TGFB2: variants seen among roughly 807,000 people sequenced by gnomAD.
TGFB2 encodes the protein transforming growth factor beta 2, also known as transforming growth factor beta-2 proprotein.
A neutral mutation model predicts 42.7 loss-of-function variants in TGFB2; 13 were observed. The observed-to-expected ratio is 0.30, with a 90% CI of 0.20 to 0.48. The LOEUF (loss-of-function observed/expected upper bound fraction) is 0.48. TGFB2 is among the 20% of genes least tolerant of loss of function. TGFB2 has a pLI of 0.99. For synonymous variants in TGFB2, 193 were observed against 193.6 expected (o/e 1.00, Z 0.03); for missense variants, 390 against 517.5 (o/e 0.75, Z 2.39).
chr1:218,385,122 C>A (rs778894813), intron 1 of TGFB2, among the ~76,000 whole-genome samples: 1 of 152,090 alleles, frequency 6.6e-6, no homozygotes, highest in African/African-American at 2.4e-5. Context: ...CCCTCTCTTA[C>A]TGGTACTTTC....
intron 1 of TGFB2, among the ~76,000 whole-genome samples, chr1:218,349,602 T>G (rs1425885071): frequency 6.6e-6 from 1 of 152,220 alleles, no homozygotes; most frequent in Non-Finnish European, 1.5e-5. Context: ...GGGAGTGACT[T>G]CAGCTCAAGT....
chr1:218,406,200 C>T (rs943381978), intron 2 of TGFB2, among the ~76,000 whole-genome samples: 2 of 151,340 alleles, frequency 1.3e-5, no homozygotes, highest in African/African-American at 4.9e-5. Flanking sequence ...AATACACACA[C>T]ACACACACAC....
At chr1:218,411,034 T>A (rs2102600945) in intron 2 of TGFB2, among the ~76,000 whole-genome samples, 1 of 116,592 alleles carries the variant, frequency 8.6e-6, no homozygotes, top group Non-Finnish European at 2.1e-5. Flanking sequence ...CCCTAAACAA[T>A]CCTTTGGGAC....
rs1232639270 is a variant in TGFB2, at chr1:218,437,591, T to A, written c.1086+95T>A. 4.5e-6 allele frequency: 6 copies of A among 1,339,288 alleles called. No individual in the cohort carries two copies. The East Asian group carries it at 1.5e-4, about 34-fold the overall frequency. 83.0% of individuals were successfully genotyped at this position (1,339,288 alleles called of 1,614,324 possible). A position where few individuals can be genotyped will look rare whatever the true frequency, so the allele number is the denominator to read the frequency against. ...ATGAGTTGTAATTAACCTCGTGCTG[T>A]CTTACCATCACACATGTATGGGTAC... On this transcript the variant is annotated intron_variant, in intron 6 of 6. Transcript: ENST00000366930.
chr1:218,432,954 G>A (rs1000414365), intron 2 of TGFB2, among the ~76,000 whole-genome samples: 1 of 152,174 alleles, frequency 6.6e-6, no homozygotes, highest in African/African-American at 2.4e-5. Flanking sequence ...TTTCAAAATA[G>A]AATTTTTTTA....
intron 1 of TGFB2, among the ~76,000 whole-genome samples, chr1:218,347,924 G>T (rs1656743238): frequency 6.7e-6 from 1 of 148,574 alleles, no homozygotes. Flanking sequence ...CAGAGTAGAC[G>T]ACAGCCGTAT....
chr1:218,402,713 A>T (rs902957697), intron 1 of TGFB2, among the ~76,000 whole-genome samples: 1 of 152,200 alleles, frequency 6.6e-6, no homozygotes, highest in Admixed American at 6.5e-5. Context: ...AGGCGGGGAA[A>T]ATTGAATGAG....
intron 2 of TGFB2, among the ~76,000 whole-genome samples, chr1:218,428,616 T>A (rs1443723496): frequency 3.9e-5 from 6 of 152,230 alleles, no homozygotes; most frequent in Admixed American, 3.9e-4. Context: ...TTCTTGTTTT[T>A]GTCAGGTTTG....
chr1:218,415,697 AAG>A (rs555557882), intron 2 of TGFB2, among the ~76,000 whole-genome samples: 5,928 of 132,606 alleles, frequency 0.045, 901 homozygotes, highest in East Asian at 0.085. Context: ...TCTGTCTCAA[AAG>A]AAAAAAAAAA....
intron 6 of TGFB2, among the ~76,000 whole-genome samples, chr1:218,439,123 A>G (rs865888654): frequency 1.3e-5 from 2 of 151,752 alleles, no homozygotes; most frequent in South Asian, 2.1e-4. Flanking sequence ...AAAAAAAAAA[A>G]AAAAGAAATT....
chr1:218,426,359 T>A (rs899240923), intron 2 of TGFB2, among the ~76,000 whole-genome samples: 1 of 152,250 alleles, frequency 6.6e-6, no homozygotes, highest in African/African-American at 2.4e-5. Context: ...TAATTTTGCA[T>A]CTAGACTTCT....
intron 2 of TGFB2, among the ~76,000 whole-genome samples, chr1:218,417,146 G>T (rs558818290): frequency 1.3e-5 from 2 of 152,316 alleles, no homozygotes; most frequent in African/African-American, 4.8e-5. Flanking sequence ...CAGTTTGGAG[G>T]GCTCAGAAGA....
At chr1:218,420,248 A>G (rs890716539) in intron 2 of TGFB2, among the ~76,000 whole-genome samples, 2 of 152,252 alleles carry the variant, frequency 1.3e-5, no homozygotes, top group African/African-American at 2.4e-5. Context: ...CAAAGACTGT[A>G]GGAATTCAGC....
In TGFB2 at chr1:218,437,419, G is replaced by A. The variant is rs1476361240; in HGVS notation, c.1009G>A (p.Glu337Lys). Residue 337 changes from glutamate (E) to lysine (K), a missense_variant, in exon 6 of 7, where the codon GAA becomes AAA. By Grantham distance (56) the Glu-to-Lys change is moderately conservative (BLOSUM62 1). Transcript: ENST00000366930. ...KRDLGWKWIH[E>K]PKGYNANFCA... The stretch of plus-strand genomic sequence containing the variant: ...GGATCTAGGGTGGAAATGGATACAC[G>A]AACCCAAAGGGTACAATGCCAACTT... The A allele has an allele frequency of 4.3e-6, 7 of 1,612,336 alleles. No individual in the cohort carries two copies. Among genetic ancestry groups the A allele is most frequent in the East Asian group, 2.2e-5 (1 of 44,800 alleles).
chr1:218,376,458 G>A (rs1319930995), intron 1 of TGFB2, among the ~76,000 whole-genome samples: 1 of 152,164 alleles, frequency 6.6e-6, no homozygotes, highest in East Asian at 1.9e-4. Context: ...TTTGGTGCCT[G>A]AATTATGCAG....
At chr1:218,440,257 A>G (rs535233797) in intron 6 of TGFB2, among the ~76,000 whole-genome samples, 1 of 152,276 alleles carries the variant, frequency 6.6e-6, no homozygotes, top group African/African-American at 2.4e-5. Context: ...AAGAAAGTGA[A>G]TAATTATTTC....
intron 1 of TGFB2, among the ~76,000 whole-genome samples, chr1:218,379,829 A>C (rs1657899042): frequency 6.6e-6 from 1 of 152,192 alleles, no homozygotes; most frequent in South Asian, 2.1e-4. Flanking sequence ...GGGTCTTAAA[A>C]TATCCAATTG....
At chr1:218,394,067 T>G (rs1199511776) in intron 1 of TGFB2, among the ~76,000 whole-genome samples, 1 of 152,086 alleles carries the variant, frequency 6.6e-6, no homozygotes, top group Non-Finnish European at 1.5e-5. Flanking sequence ...CCACCATGCC[T>G]GGCTAATTTT....
At chr1:218,398,301 G>A (rs1658590763) in intron 1 of TGFB2, among the ~76,000 whole-genome samples, 1 of 152,202 alleles carries the variant, frequency 6.6e-6, no homozygotes, top group South Asian at 2.1e-4. Context: ...AATACCTATA[G>A]GTTCTTGACC....
Sources: gnomAD v4.1 joint callset for allele counts (sites outside exome capture counted in the v4.1 genomes callset) on GRCh38, gnomAD v4.1.1 for gene constraint, MANE v1.5 for transcripts, NCBI Gene and HGNC (gene_info 2026-07-23, HGNC 2026-07-21) for gene names.